Variants in FSCN2 observed in about 807,000 individuals in gnomAD.
The protein encoded by FSCN2 is fascin actin-bundling protein 2, retinal.
In FSCN2, 46 loss-of-function variants were observed where a neutral mutation model predicts 37.8. That is an observed-to-expected ratio of 1.22 (90% CI 0.96 to 1.56). The LOEUF (loss-of-function observed/expected upper bound fraction) is 1.56, where lower values mean the gene tolerates loss of function less well. Among genes scored for constraint, FSCN2 ranks in the 40% most tolerant of loss-of-function variants. The pLI, the probability that FSCN2 is intolerant of heterozygous loss-of-function variation, is 0.00. For missense variants in FSCN2, 844 were observed against 730.4 expected (o/e 1.16, Z -1.79); for synonymous variants, 351 against 309.4 (o/e 1.13, Z -1.41).
chr17:81,520,926 C>T, the FSCN2 span, among the ~76,000 whole-genome samples: 1 of 152,084 alleles, frequency 6.6e-6, no homozygotes, highest in Non-Finnish European at 1.5e-5. Context: ...GGGCATTATA[C>T]CTTCTGGATT....
chr17:81,518,123 G>A, the FSCN2 span, among the ~76,000 whole-genome samples: 2 of 152,274 alleles, frequency 1.3e-5, no homozygotes, highest in South Asian at 4.1e-4. Flanking sequence ...GAGGCCCACA[G>A]AGTGGGCGCT....
At chr17:81,536,468 G>A in intron 3 of FSCN2, 154 bp from the exon 4 acceptor site, 1 of 1,508,608 alleles carries the variant, frequency 6.6e-7, no homozygotes, top group Non-Finnish European at 8.9e-7. Flanking sequence ...CCGCTGCTGG[G>A]AACCCCCTAG....
chr17:81,534,530 A>T (rs1345767035), intron 1 of FSCN2, among the ~76,000 whole-genome samples: 1 of 151,948 alleles, frequency 6.6e-6, no homozygotes, highest in Non-Finnish European at 1.5e-5. Context: ...AGCCCGGGGC[A>T]GTCTTGTCCT....
At chr17:81,519,281 C>T in the FSCN2 span, among the ~76,000 whole-genome samples, 2 of 152,132 alleles carry the variant, frequency 1.3e-5, no homozygotes, top group Non-Finnish European at 2.9e-5. Context: ...GCCAGGTGCA[C>T]GCAGGGCGCG....
the FSCN2 span, among the ~76,000 whole-genome samples, chr17:81,520,060 G>T: frequency 3.3e-5 from 5 of 152,184 alleles, no homozygotes; most frequent in African/African-American, 4.8e-5. Flanking sequence ...AGGCTTCTCC[G>T]GCCTTCCCAG....
Position 81,533,647 on chromosome 17 carries a change from C to T in FSCN2, c.827-1405C>T, listed in dbSNP as rs147137181. 3.7e-4 allele frequency among the ~76,000 whole-genome samples: 57 copies of T among 152,372 alleles called. 1 individual carries two copies. In the East Asian group the frequency reaches 7.1e-3, roughly 19 times the overall value. On this transcript the variant is annotated intron_variant, in intron 1 of 4. Transcript: ENST00000417245. ...GTCCTAGCAGACACTTCTTCACACT[C>T]ATTTGCCAGAACTGAGTCCCCCAAC...
At chr17:81,532,696 CGATAGT>C (rs915433052) in intron 1 of FSCN2, among the ~76,000 whole-genome samples, 41 of 91,336 alleles carry the variant, frequency 4.5e-4, no homozygotes, top group Admixed American at 7.3e-4. Flanking sequence ...ATGGTGATGG[CGATAGT>C]GATAGTGATG....
chr17:81,531,591 G>C (rs1161175842), intron 1 of FSCN2, among the ~76,000 whole-genome samples: 2 of 129,656 alleles, frequency 1.5e-5, no homozygotes, highest in Non-Finnish European at 3.3e-5. Flanking sequence ...GATGGTGATG[G>C]TGATAGTGAT....
At chr17:81,534,525 G>A (rs548405496) in intron 1 of FSCN2, among the ~76,000 whole-genome samples, 12 of 152,066 alleles carry the variant, frequency 7.9e-5, no homozygotes, top group African/African-American at 1.2e-4. Flanking sequence ...GATGGAGCCC[G>A]GGGCAGTCTT....
At position 81,529,668 on chromosome 17, in the gene FSCN2, G is replaced by A. The variant is rs565698600; in HGVS notation, c.826+311G>A. 1.9e-5 allele frequency: 12 copies of A among 623,872 alleles called. No individual in the cohort carries two copies. The African/African-American group carries it at 2.1e-4, about 11-fold the overall frequency. The allele number at this position is 623,872 out of a possible 1,614,324, so 38.6% of individuals were successfully genotyped here. On this transcript the variant is annotated intron_variant, in intron 1 of 4. Coordinates refer to ENST00000417245, the MANE Select transcript of FSCN2 (RefSeq NM_012418.4). ...CAGCTGCGGAGTCTGAGACTGGAGA[G>A]GTGTGGGCCAGGCGATGGGCAGTGC...
chr17:81,534,784 G>A (rs966044346), intron 1 of FSCN2, among the ~76,000 whole-genome samples: 4 of 151,796 alleles, frequency 2.6e-5, no homozygotes, highest in African/African-American at 9.7e-5. Flanking sequence ...GAGAGTGGGG[G>A]CTGTGCCAAG....
At chr17:81,527,083 C>T (rs2032373294), upstream of FSCN2, 1 of 152,322 alleles carries the variant, frequency 6.6e-6, no homozygotes. Flanking sequence ...CTGTCCAGGG[C>T]TTAGAGGACA....
the FSCN2 span, among the ~76,000 whole-genome samples, chr17:81,523,079 C>T: frequency 6.6e-6 from 1 of 152,234 alleles, no homozygotes; most frequent in Non-Finnish European, 1.5e-5. Context: ...GGCACAGCCC[C>T]CCACCAGCAC....
intron 1 of FSCN2, chr17:81,530,593 A>G (rs868977013): frequency 3.9e-6 from 2 of 515,024 alleles, no homozygotes; most frequent in African/African-American, 3.9e-5. Flanking sequence ...CTTCCAGACC[A>G]GCATCAGCTG....
At chr17:81,526,024 T>C (rs2032339637), upstream of FSCN2, among the ~76,000 whole-genome samples, 1 of 152,218 alleles carries the variant, frequency 6.6e-6, no homozygotes, top group Non-Finnish European at 1.5e-5. Flanking sequence ...TGTGGGGCCC[T>C]AGAACTGAGG....
the FSCN2 span, among the ~76,000 whole-genome samples, chr17:81,516,793 G>A: frequency 6.6e-6 from 1 of 152,128 alleles, no homozygotes; most frequent in African/African-American, 2.4e-5. Context: ...CTGGGCAGCT[G>A]GCTGTGAGTG....
At chr17:81,534,391 A>T (rs2032784812) in intron 1 of FSCN2, among the ~76,000 whole-genome samples, 1 of 152,122 alleles carries the variant, frequency 6.6e-6, no homozygotes, top group Non-Finnish European at 1.5e-5. Flanking sequence ...GCTGCCATGC[A>T]AACAGGGAGG....
chr17:81,537,022 C>A lies in FSCN2; in HGVS notation c.1421C>A (p.Ser474Ter). The A allele has an allele frequency of 6.7e-7, 1 of 1,501,216 alleles. No individual in the cohort carries two copies. 93.0% of individuals were successfully genotyped at this position (1,501,216 alleles called of 1,614,324 possible). A position where few individuals can be genotyped will look rare whatever the true frequency, so the allele number is the denominator to read the frequency against. The change falls in exon 5 of 5, where the codon TCG (serine) becomes TAG (stop). Residue 474 changes from serine to a stop codon, truncating the protein, a stop_gained. Coordinates refer to ENST00000417245, the MANE Select transcript of FSCN2 (RefSeq NM_012418.4). LOFTEE classifies it low-confidence loss of function (END_TRUNC). The stretch of plus-strand genomic sequence containing the variant: ...GGCAAGTACCTGCGCGGCGGCGCCT[C>A]GGGCCTGCTGCGGGCCGATGCCGAC... Reference protein sequence around the residue: ...RSGKYLRGGASGLLRADADAP... With the variant: ...RSGKYLRGGA
At chr17:81,518,693 A>C in the FSCN2 span, among the ~76,000 whole-genome samples, 2 of 152,004 alleles carry the variant, frequency 1.3e-5, no homozygotes, top group Non-Finnish European at 2.9e-5. Context: ...CGGGGCACCG[A>C]GGTAGGGAAA....
Sources: gnomAD v4.1 joint callset for allele counts (sites outside exome capture counted in the v4.1 genomes callset) on GRCh38, gnomAD v4.1.1 for gene constraint, MANE v1.5 for transcripts, NCBI Gene and HGNC (gene_info 2026-07-23, HGNC 2026-07-21) for gene names.